The following PRKG1 variants were observed in gnomAD, a reference collection of about 807,000 sequenced individuals.
PRKG1 encodes the protein cGMP-dependent protein kinase 1.
A neutral mutation model predicts 88.1 loss-of-function variants in PRKG1; 35 were observed. The ratio of observed to expected loss-of-function variants is 0.40; its 90% CI spans 0.30 to 0.53. PRKG1 has a LOEUF of 0.53. PRKG1 is among the 20% of genes least tolerant of loss of function. The pLI is 0.59. For synonymous variants in PRKG1, 303 were observed against 292.5 expected, an observed-to-expected ratio of 1.04 and a Z score of -0.37; for missense variants, 540 against 839.8, an observed-to-expected ratio of 0.64 and a Z score of 4.41.
At chr10:51,172,628 GTATGTATGTATGTATGTATGTATCTATC>G (rs1306333360) in intron 2 of PRKG1, among the ~76,000 whole-genome samples, 2 of 67,668 alleles carry the variant, frequency 3.0e-5, no homozygotes, top group Admixed American at 1.8e-4. Context: ...ATGTATGTAT[GTATGTATGTATGTATGTATGTATCTATC>G]TATCTATCTA....
Position 51,544,561 on chromosome 10 carries a change from G to A in PRKG1, c.592+76725G>A, listed in dbSNP as rs187310829. ...AGCAGCATGATTTATAATCCTTTGG[G>A]TATATACCCAGTAATGGGATGGCTG... On this transcript the variant is annotated intron_variant, in intron 3 of 17. Coordinates refer to ENST00000373980, the MANE Select transcript of PRKG1 (RefSeq NM_006258.4). 3.0e-3 allele frequency among the ~76,000 whole-genome samples: 459 copies of A among 152,142 alleles called. 3 individuals are homozygous for A. The highest frequency in any genetic ancestry group is 5.7e-3 in the Non-Finnish European group (388 of 67,994).
intron 3 of PRKG1, among the ~76,000 whole-genome samples, chr10:51,498,210 A>G (rs1229979039): frequency 5.3e-5 from 8 of 152,212 alleles, no homozygotes; most frequent in Non-Finnish European, 2.9e-5. Flanking sequence ...TCCTAATTTA[A>G]TAAGCTCAAA....
chr10:51,284,961 T>C (rs537799114), intron 2 of PRKG1, among the ~76,000 whole-genome samples: 178 of 146,774 alleles, frequency 1.2e-3, no homozygotes, highest in African/African-American at 4.3e-3. Flanking sequence ...TAGTTACATA[T>C]GTATACATGT....
intron 5 of PRKG1, among the ~76,000 whole-genome samples, chr10:52,045,882 G>T (rs1845852199): frequency 6.6e-6 from 1 of 151,992 alleles, no homozygotes; most frequent in African/African-American, 2.4e-5. Flanking sequence ...TTCTTGCAGG[G>T]AGGAGAAAGG....
At chr10:51,412,418 G>A (rs903863643) in intron 2 of PRKG1, among the ~76,000 whole-genome samples, 3 of 151,990 alleles carry the variant, frequency 2.0e-5, no homozygotes, top group Non-Finnish European at 4.4e-5. Flanking sequence ...GATAAGGCAG[G>A]TAGATCATGA....
chr10:51,710,161 T>C (rs1456911070), intron 3 of PRKG1, among the ~76,000 whole-genome samples: 1 of 152,148 alleles, frequency 6.6e-6, no homozygotes, highest in Admixed American at 6.5e-5. Flanking sequence ...TGAGGATTTA[T>C]GGTGCTCAGA....
intron 5 of PRKG1, among the ~76,000 whole-genome samples, chr10:52,009,098 T>A (rs2133165700): frequency 6.6e-6 from 1 of 152,256 alleles, no homozygotes; most frequent in East Asian, 1.9e-4. Flanking sequence ...GCTGAAAGGA[T>A]TCCCTTGAAA....
At chr10:51,208,476 A>G (rs780669298) in intron 2 of PRKG1, among the ~76,000 whole-genome samples, 1 of 152,188 alleles carries the variant, frequency 6.6e-6, no homozygotes, top group Admixed American at 6.5e-5. Context: ...ACCAGTTGGT[A>G]TGTAGGAATG....
chr10:51,340,386 T>A (rs2132546284), intron 2 of PRKG1, among the ~76,000 whole-genome samples: 1 of 152,300 alleles, frequency 6.6e-6, no homozygotes, highest in South Asian at 2.1e-4. Flanking sequence ...AATCATTTAA[T>A]CCTTTTAAAT....
At chr10:51,088,511 A>G (rs1844314193) in intron 1 of PRKG1, among the ~76,000 whole-genome samples, 1 of 151,516 alleles carries the variant, frequency 6.6e-6, no homozygotes, top group Admixed American at 6.6e-5. Context: ...TCTGAAAATC[A>G]GTGGTTGTAG....
At chr10:51,937,315 G>A (rs566173952) in intron 5 of PRKG1, among the ~76,000 whole-genome samples, 114 of 151,970 alleles carry the variant, frequency 7.5e-4, no homozygotes, top group Non-Finnish European at 1.4e-3. Flanking sequence ...TAAATAAACC[G>A]ATTAAATAAA....
chr10:51,772,465 A>G (rs1838327764), intron 3 of PRKG1, among the ~76,000 whole-genome samples: 1 of 152,282 alleles, frequency 6.6e-6, no homozygotes, highest in South Asian at 2.1e-4. Context: ...GTGAAAAAAT[A>G]ACATTAAAGC....
chr10:51,268,915 T>A (rs2170146), intron 2 of PRKG1, among the ~76,000 whole-genome samples: 5 of 152,092 alleles, frequency 3.3e-5, no homozygotes, highest in Non-Finnish European at 5.9e-5. Flanking sequence ...ATAAATGTCC[T>A]TGAAATCTTC....
At chr10:51,619,276 A>C (rs1839147039) in intron 3 of PRKG1, among the ~76,000 whole-genome samples, 1 of 152,214 alleles carries the variant, frequency 6.6e-6, no homozygotes. Flanking sequence ...CAAGTAAAGT[A>C]AATGTATAGA....
At chr10:51,806,492 C>T (rs553793060) in intron 4 of PRKG1, among the ~76,000 whole-genome samples, 44 of 152,286 alleles carry the variant, frequency 2.9e-4, no homozygotes, top group African/African-American at 1.0e-3. Context: ...ATAGAGCTGG[C>T]AGAGTTTAAC....
In PRKG1 at chr10:51,746,782, A is replaced by G. The variant is rs547701660; in HGVS notation, c.593-57803A>G. On this transcript the variant is annotated intron_variant, in intron 3 of 17. Transcript: ENST00000373980. ...AAAGAAAAAAAAAGAAAAGAAAAGA[A>G]AAAAGAAAGCATTTGCTCCATCATG... 1.1e-4 allele frequency among the ~76,000 whole-genome samples: 16 copies of G among 152,206 alleles called. No individual in the cohort carries two copies. In the South Asian group the frequency reaches 3.1e-3, roughly 30 times the overall value.
At chr10:52,229,396 C>A (rs1840470730) in intron 9 of PRKG1, among the ~76,000 whole-genome samples, 1 of 152,188 alleles carries the variant, frequency 6.6e-6, no homozygotes, top group African/African-American at 2.4e-5. Flanking sequence ...TCCTCTGTAC[C>A]TCTGGAACAT....
chr10:51,247,681 A>C (rs1318908456), intron 2 of PRKG1, among the ~76,000 whole-genome samples: 1 of 151,990 alleles, frequency 6.6e-6, no homozygotes, highest in Non-Finnish European at 1.5e-5. Context: ...AATTTGTAGA[A>C]TGAATGATAC....
At chr10:51,816,172 A>C (rs1312348945) in intron 4 of PRKG1, among the ~76,000 whole-genome samples, 1 of 152,210 alleles carries the variant, frequency 6.6e-6, no homozygotes, top group Non-Finnish European at 1.5e-5. Flanking sequence ...GTTTCCCAGC[A>C]TCAGTAATGA....
Sources: allele counts gnomAD v4.1 joint callset (sites outside exome capture counted in the v4.1 genomes callset), GRCh38; gene constraint gnomAD v4.1.1; transcripts MANE v1.5; gene names NCBI Gene and HGNC (gene_info 2026-07-23, HGNC 2026-07-21).